The following HLCS variants were observed in gnomAD, a reference collection of about 807,000 sequenced individuals.
HLCS encodes biotin--protein ligase.
In HLCS, 53 loss-of-function variants were observed where a neutral mutation model predicts 75.0. That is an observed-to-expected ratio of 0.71 (90% CI 0.57 to 0.89). HLCS has a LOEUF of 0.89. Ranked by LOEUF, HLCS falls within the 40% of genes least tolerant of loss-of-function variation. HLCS has a pLI of 0.00. For synonymous variants in HLCS, 431 were observed against 428.6 expected (o/e 1.01, Z -0.07); for missense variants, 966 against 1,074.0 (o/e 0.90, Z 1.41).
intron 6 of HLCS, among the ~76,000 whole-genome samples, chr21:36,826,311 C>A (rs1462637428): frequency 6.6e-6 from 1 of 152,282 alleles, no homozygotes; most frequent in South Asian, 2.1e-4. Flanking sequence ...GGAGTCAGCA[C>A]CTCCAGCCCT....
At chr21:36,921,231 G>A (rs540261849) in intron 5 of HLCS, among the ~76,000 whole-genome samples, 1 of 152,318 alleles carries the variant, frequency 6.6e-6, no homozygotes, top group East Asian at 1.9e-4. Flanking sequence ...CGGATCACAA[G>A]GTCAGGAGTC....
At chr21:36,765,577 T>C (rs901537562) in intron 7 of HLCS, among the ~76,000 whole-genome samples, 17 of 152,198 alleles carry the variant, frequency 1.1e-4, no homozygotes, top group African/African-American at 4.1e-4. Flanking sequence ...CAATTCCTAT[T>C]GTGGCGATGG....
chr21:36,959,345 C>A (rs1042999642), intron 2 of HLCS, among the ~76,000 whole-genome samples: 8 of 152,220 alleles, frequency 5.3e-5, no homozygotes, highest in Non-Finnish European at 8.8e-5. Context: ...AGGAGCCACT[C>A]TGGACCACGA....
intron 6 of HLCS, among the ~76,000 whole-genome samples, chr21:36,893,924 A>G (rs1420052300): frequency 2.0e-5 from 3 of 152,234 alleles, no homozygotes; most frequent in Non-Finnish European, 4.4e-5. Context: ...TATTATTACT[A>G]TCACAAATAG....
intron 6 of HLCS, among the ~76,000 whole-genome samples, chr21:36,800,914 T>A (rs890470007): frequency 1.3e-5 from 2 of 151,828 alleles, no homozygotes; most frequent in Admixed American, 6.6e-5. Flanking sequence ...TCCACTTAGT[T>A]GAGGGGCGGA....
chr21:36,838,501 C>T (rs1270115142), intron 6 of HLCS, among the ~76,000 whole-genome samples: 1 of 151,988 alleles, frequency 6.6e-6, no homozygotes, highest in African/African-American at 2.4e-5. Flanking sequence ...GTCAGGAGAT[C>T]GAGACCATCC....
At chr21:36,893,954 AGCTCGTTAACATG>A (rs1188283721) in intron 6 of HLCS, among the ~76,000 whole-genome samples, 5 of 152,236 alleles carry the variant, frequency 3.3e-5, no homozygotes, top group Admixed American at 6.5e-5. Flanking sequence ...CCATAAGTAT[AGCTCGTTAACATG>A]GTTTGGATTT....
At chr21:36,843,238 A>C (rs1454527121) in intron 6 of HLCS, among the ~76,000 whole-genome samples, 1 of 152,228 alleles carries the variant, frequency 6.6e-6, no homozygotes, top group East Asian at 1.9e-4. Flanking sequence ...CAGGAGTTCA[A>C]GACCAGCCTG....
At chr21:36,977,882 G>A (rs1257756807) in intron 1 of HLCS, among the ~76,000 whole-genome samples, 1 of 152,200 alleles carries the variant, frequency 6.6e-6, no homozygotes, top group Non-Finnish European at 1.5e-5. Flanking sequence ...CCCAGCAACT[G>A]CCCACCTGGG....
intron 1 of HLCS, among the ~76,000 whole-genome samples, chr21:36,962,989 TGTG>T (rs1569256737): frequency 6.6e-6 from 1 of 152,040 alleles, no homozygotes; most frequent in Non-Finnish European, 1.5e-5. Flanking sequence ...ATCTGGGAAG[TGTG>T]CAAGTCTCTG....
intron 6 of HLCS, among the ~76,000 whole-genome samples, chr21:36,849,521 G>T (rs75707667): frequency 1.3e-5 from 2 of 152,164 alleles, no homozygotes; most frequent in Non-Finnish European, 2.9e-5. Context: ...AGGAAGGCTC[G>T]GAGGCTGGAG....
chr21:36,809,263 T>C (rs901314961), intron 6 of HLCS, among the ~76,000 whole-genome samples: 13 of 152,310 alleles, frequency 8.5e-5, no homozygotes, highest in Admixed American at 7.8e-4. Context: ...TTTCAGTACC[T>C]TGAAAATGTT....
In HLCS at chr21:36,754,161, G is replaced by T; in HGVS notation, c.*85C>A. On this transcript the variant is annotated 3_prime_UTR_variant, in exon 11 of 11. Transcript: ENST00000674895. Reference sequence around the variant, plus strand: ...CAAAGACTTAACAAATGAATTGGAGGAAAAGAAAATTCACCTACAACTCTA... The same window carrying T: ...CAAAGACTTAACAAATGAATTGGAGTAAAAGAAAATTCACCTACAACTCTA... 7.5e-7 allele frequency: 1 copy of T among 1,325,674 alleles called. No individual in the cohort carries two copies. The highest frequency in any genetic ancestry group is 1.1e-6 in the Non-Finnish European group (1 of 937,066). 82.1% of individuals were successfully genotyped at this position (1,325,674 alleles called of 1,614,324 possible).
At chr21:36,820,932 G>T (rs1451313985) in intron 6 of HLCS, among the ~76,000 whole-genome samples, 2 of 152,210 alleles carry the variant, frequency 1.3e-5, no homozygotes, top group Non-Finnish European at 2.9e-5. Context: ...CCAGAAAGTA[G>T]GATGCTGAGT....
At chr21:36,946,926 G>A (rs899138548) in intron 2 of HLCS, among the ~76,000 whole-genome samples, 1 of 152,194 alleles carries the variant, frequency 6.6e-6, no homozygotes, top group Non-Finnish European at 1.5e-5. Context: ...GTTGATTTCA[G>A]CTTTGGGAAT....
chr21:36,833,802 A>G (rs1445113765), intron 6 of HLCS, among the ~76,000 whole-genome samples: 2 of 152,148 alleles, frequency 1.3e-5, no homozygotes, highest in Non-Finnish European at 2.9e-5. Context: ...AACTAAAATG[A>G]CTACTGGAAC....
At chr21:36,945,073 T>C (rs1204781228) in intron 2 of HLCS, among the ~76,000 whole-genome samples, 1 of 151,978 alleles carries the variant, frequency 6.6e-6, no homozygotes, top group Non-Finnish European at 1.5e-5. Context: ...TGAGCCAAGA[T>C]CACACCACTG....
chr21:36,796,071 G>A (rs760543340), intron 6 of HLCS, among the ~76,000 whole-genome samples: 11 of 152,252 alleles, frequency 7.2e-5, no homozygotes, highest in Admixed American at 2.6e-4. Context: ...TATGTCCCAC[G>A]AATTAGAAAA....
At chr21:36,940,762 T>C (rs951671301) in intron 2 of HLCS, among the ~76,000 whole-genome samples, 2 of 152,186 alleles carry the variant, frequency 1.3e-5, no homozygotes, top group African/African-American at 4.8e-5. Flanking sequence ...CATAGACATA[T>C]AGAGATATGG....
Sources: gnomAD v4.1 joint callset for allele counts (sites outside exome capture counted in the v4.1 genomes callset) on GRCh38, gnomAD v4.1.1 for gene constraint, MANE v1.5 for transcripts, NCBI Gene and HGNC (gene_info 2026-07-23, HGNC 2026-07-21) for gene names.